EMILIN2: variants seen among roughly 807,000 people sequenced by gnomAD.
EMILIN2 encodes the protein elastin microfibril interfacer 2.
In EMILIN2, 71 loss-of-function variants were observed where a neutral mutation model predicts 87.1. That is an observed-to-expected ratio of 0.82 (90% CI 0.67 to 0.99). EMILIN2 has a LOEUF of 0.99. Among genes scored for constraint, EMILIN2 ranks in the 50% least tolerant of loss-of-function variants. EMILIN2 has a pLI of 0.00. For synonymous variants in EMILIN2, 581 were observed against 563.4 expected (o/e 1.03, Z -0.44); for missense variants, 1,407 against 1,371.8 (o/e 1.03, Z -0.40).
chr18:2,886,464 C>T (rs1480303999), intron 3 of EMILIN2, among the ~76,000 whole-genome samples: 1 of 152,110 alleles, frequency 6.6e-6, no homozygotes, highest in Non-Finnish European at 1.5e-5. Context: ...TTTTCCCTTC[C>T]CATGGGTAGT....
intron 4 of EMILIN2, among the ~76,000 whole-genome samples, chr18:2,896,068 G>T (rs2144048255): frequency 6.6e-6 from 1 of 152,222 alleles, no homozygotes; most frequent in East Asian, 1.9e-4. Flanking sequence ...GAGAAGAAGG[G>T]CCTTCAGCTG....
chr18:2,847,670 C>T lies in EMILIN2; in HGVS notation c.135-139C>T, dbSNP rs1403580376. The T allele has an allele frequency of 3.7e-6, 5 of 1,361,914 alleles. No homozygotes were observed. Among genetic ancestry groups the T allele is most frequent in the Admixed American group, 2.8e-5 (1 of 35,318 alleles). The allele number at this position is 1,361,914 out of a possible 1,614,324, so 84.4% of individuals were successfully genotyped here. ...ACCCGGGCACCCTCCGGCGTCTGCT[C>T]GGTGAAGCTCCCGCCTCCGCAGAGG... On this transcript the variant is annotated intron_variant, in intron 1 of 7. Transcript: ENST00000254528. This position sits in a 1 kb window ranked among gnomAD's most constrained non-coding sequence, Gnocchi z 4.5.
intron 2 of EMILIN2, among the ~76,000 whole-genome samples, chr18:2,858,428 G>A (rs2076638604): frequency 6.7e-6 from 1 of 148,280 alleles, no homozygotes; most frequent in African/African-American, 2.5e-5. Context: ...TTCCACTCCT[G>A]AGTTACTTCA....
At chr18:2,912,284 G>C (rs1363144415) in intron 7 of EMILIN2, among the ~76,000 whole-genome samples, 1 of 152,104 alleles carries the variant, frequency 6.6e-6, no homozygotes, top group East Asian at 1.9e-4. Flanking sequence ...CAGGTGATCT[G>C]CCCACCTTGG....
At chr18:2,871,886 T>C (rs894513182) in intron 2 of EMILIN2, among the ~76,000 whole-genome samples, 1 of 152,238 alleles carries the variant, frequency 6.6e-6, no homozygotes, top group African/African-American at 2.4e-5. Context: ...GTATATAATT[T>C]TCATTTCTGT....
rs1199172560 is a variant in EMILIN2 at position 2,914,346 on chromosome 18, C to G, written c.*942C>G. 2.0e-5 allele frequency: 3 copies of G among 152,214 alleles called. No homozygotes were observed. The highest frequency in any genetic ancestry group is 4.4e-5 in the Non-Finnish European group (3 of 68,050). The allele number at this position is 152,214 out of a possible 1,614,324, so 9.4% of individuals were successfully genotyped here. On this transcript the variant is annotated 3_prime_UTR_variant, in exon 8 of 8. Transcript: ENST00000254528. ...CTGGGGATGCTGCACTCAGATCCCACAGCAGCTGCCCAGGCTAACTTGATC... is the reference window on the plus strand; with the variant it reads ...CTGGGGATGCTGCACTCAGATCCCAGAGCAGCTGCCCAGGCTAACTTGATC...
chr18:2,907,968 G>A (rs998040535), intron 5 of EMILIN2, among the ~76,000 whole-genome samples: 8 of 152,204 alleles, frequency 5.3e-5, no homozygotes, highest in East Asian at 1.9e-4. Flanking sequence ...GTTCCCCATC[G>A]GTGATAGCCT....
chr18:2,868,969 T>A (rs1036746090), intron 2 of EMILIN2, among the ~76,000 whole-genome samples: 4 of 143,224 alleles, frequency 2.8e-5, no homozygotes, highest in African/African-American at 1.0e-4. Context: ...TTTTTTTTTT[T>A]AATCCTGTTT....
rs563315264 is a variant in EMILIN2 at position 2,907,138 on chromosome 18, C to T, written c.2662+53C>T. ...GCGCGGGGCTCTCCCGGAACTTCCG[C>T]CTGAGCCTCGGGGTCTGCTGAGGGG... On this transcript the variant is annotated intron_variant, in intron 5 of 7. Coordinates refer to ENST00000254528, the MANE Select transcript of EMILIN2 (RefSeq NM_032048.3). 1,462 of 1,227,458 alleles carry T rather than the reference C, an allele frequency of 1.2e-3. 3 individuals carry two copies. The highest frequency in any genetic ancestry group is 1.4e-3 in the Non-Finnish European group (1,371 of 984,914). 76.0% of individuals were successfully genotyped at this position (1,227,458 alleles called of 1,614,324 possible). A position where few individuals can be genotyped will look rare whatever the true frequency, so the allele number is the denominator to read the frequency against.
Position 2,906,495 on chromosome 18 carries a change from G to A in EMILIN2, c.2360-288G>A, listed in dbSNP as rs993562608. 4 of 296,424 alleles carry A rather than the reference G, an allele frequency of 1.3e-5. No homozygotes were observed. In the Admixed American group the frequency reaches 1.5e-4, roughly 11 times the overall value. The allele number at this position is 296,424 out of a possible 1,614,324, so 18.4% of individuals were successfully genotyped here. On this transcript the variant is annotated intron_variant, in intron 4 of 7. Coordinates refer to ENST00000254528, the MANE Select transcript of EMILIN2 (RefSeq NM_032048.3). ...TGCTGTGAAATCGGGAATTGTTGAT[G>A]CCGGAGCCAAGAGTGAGGCCGGTTT...
chr18:2,907,430 G>A (rs1267223380), intron 5 of EMILIN2, among the ~76,000 whole-genome samples: 1 of 152,220 alleles, frequency 6.6e-6, no homozygotes, highest in Non-Finnish European at 1.5e-5. Context: ...AAAGCAGGTG[G>A]CACAGCAGCG....
At position 2,913,637 on chromosome 18, in the gene EMILIN2, A is replaced by T; in HGVS notation, c.*233A>T. 2.3e-5 allele frequency: 11 copies of T among 479,078 alleles called. No homozygotes were observed. The highest frequency in any genetic ancestry group is 7.6e-5 in the East Asian group (2 of 26,204). The allele number at this position is 479,078 out of a possible 1,614,324, so 29.7% of individuals were successfully genotyped here. A position where few individuals can be genotyped will look rare whatever the true frequency, so the allele number is the denominator to read the frequency against. On this transcript the variant is annotated 3_prime_UTR_variant, in exon 8 of 8. Coordinates refer to ENST00000254528, the MANE Select transcript of EMILIN2 (RefSeq NM_032048.3). Reference sequence around the variant, plus strand: ...ACTTTTCTGCCACTCTAACTGGACAACTGGAAGACTTGGAAAGGCCTCCAC... The same window carrying T: ...ACTTTTCTGCCACTCTAACTGGACATCTGGAAGACTTGGAAAGGCCTCCAC...
At chr18:2,875,144 A>G (rs2076740917) in intron 2 of EMILIN2, among the ~76,000 whole-genome samples, 1 of 152,242 alleles carries the variant, frequency 6.6e-6, no homozygotes, top group Non-Finnish European at 1.5e-5. Context: ...GGTCAAGGGA[A>G]GAGCAGGAGA....
At chr18:2,902,789 A>G (rs1006064907) in intron 4 of EMILIN2, among the ~76,000 whole-genome samples, 4 of 152,192 alleles carry the variant, frequency 2.6e-5, no homozygotes, top group African/African-American at 9.7e-5. Context: ...CAATATTTCC[A>G]AATTAGAATC....
At chr18:2,873,571 G>A (rs911804048) in intron 2 of EMILIN2, among the ~76,000 whole-genome samples, 2 of 151,714 alleles carry the variant, frequency 1.3e-5, no homozygotes, top group African/African-American at 4.9e-5. Context: ...GCCGGGCGTG[G>A]TGGCGGGCGC....
At chr18:2,867,172 G>A (rs563934923) in intron 2 of EMILIN2, among the ~76,000 whole-genome samples, 27 of 151,922 alleles carry the variant, frequency 1.8e-4, no homozygotes, top group Non-Finnish European at 2.1e-4. Context: ...TTGTTAGGTC[G>A]TTTCCTGGTT....
At chr18:2,865,454 T>C (rs2076681784) in intron 2 of EMILIN2, among the ~76,000 whole-genome samples, 1 of 152,238 alleles carries the variant, frequency 6.6e-6, no homozygotes, top group Non-Finnish European at 1.5e-5. Flanking sequence ...TGCAGGTCTG[T>C]TGGAGTTTGC....
rs942820959 is a variant in EMILIN2 at position 2,847,480 on chromosome 18, G to A, written c.134+158G>A. ...TCTGCGGGGGACCGCGCGCTCCGCAGCCGGCGCCTCAGGCAGAGCTGACTC... is the reference window on the plus strand; with the variant it reads ...TCTGCGGGGGACCGCGCGCTCCGCAACCGGCGCCTCAGGCAGAGCTGACTC... On this transcript the variant is annotated intron_variant, in intron 1 of 7. Transcript: ENST00000254528. This position sits in a 1 kb window ranked among gnomAD's most constrained non-coding sequence, Gnocchi z 4.5. 1.3e-5 allele frequency among the ~76,000 whole-genome samples: 2 copies of A among 152,230 alleles called. No individual in the cohort carries two copies. Among genetic ancestry groups the A allele is most frequent in the African/African-American group, 4.8e-5 (2 of 41,472 alleles).
At chr18:2,876,130 T>C (rs971692413) in intron 2 of EMILIN2, among the ~76,000 whole-genome samples, 7 of 151,828 alleles carry the variant, frequency 4.6e-5, no homozygotes, top group South Asian at 4.2e-4. Context: ...AACAGGCGCG[T>C]GCCACCACAC....
Sources: gnomAD v4.1 joint callset for allele counts (sites outside exome capture counted in the v4.1 genomes callset) on GRCh38, gnomAD v4.1.1 for gene constraint, Gnocchi (gnomAD v3.1) non-coding constraint, MANE v1.5 for transcripts, NCBI Gene and HGNC (gene_info 2026-07-23, HGNC 2026-07-21) for gene names.